PACRG: variants seen among roughly 807,000 people sequenced by gnomAD.
PACRG encodes parkin coregulated.
A neutral mutation model predicts 29.7 loss-of-function variants in PACRG; 29 were observed. That is an observed-to-expected ratio of 0.98 (90% CI 0.73 to 1.33). The LOEUF (loss-of-function observed/expected upper bound fraction) is 1.33. Ranked by LOEUF, PACRG falls within the 40% of genes most tolerant of loss-of-function variation. PACRG has a pLI of 0.00. For missense variants in PACRG, 279 were observed against 316.2 expected, an observed-to-expected ratio of 0.88 and a Z score of 0.89; for synonymous variants, 116 against 118.7, an observed-to-expected ratio of 0.98 and a Z score of 0.15.
At chr6:162,904,744 C>T (rs544216027) in intron 2 of PACRG, among the ~76,000 whole-genome samples, 1 of 152,172 alleles carries the variant, frequency 6.6e-6, no homozygotes, top group Non-Finnish European at 1.5e-5. Context: ...CAAGAGAAAC[C>T]CAGTGCCTGA....
chr6:163,079,692 A>C (rs1181989642), intron 3 of PACRG, among the ~76,000 whole-genome samples: 1 of 152,062 alleles, frequency 6.6e-6, no homozygotes, highest in African/African-American at 2.4e-5. Flanking sequence ...TGTCAGGCTT[A>C]GCAGTGTGTA....
chr6:162,822,372 T>C (rs1259860572), intron 2 of PACRG, among the ~76,000 whole-genome samples: 1 of 152,208 alleles, frequency 6.6e-6, no homozygotes, highest in Admixed American at 6.5e-5. Flanking sequence ...TGTGAGCATG[T>C]CATTACCATG....
At chr6:163,122,237 T>C (rs988185908) in intron 4 of PACRG, among the ~76,000 whole-genome samples, 1 of 148,726 alleles carries the variant, frequency 6.7e-6, no homozygotes, top group Non-Finnish European at 1.5e-5. Context: ...ACTTGATAGA[T>C]TTCTGAGTTC....
chr6:163,153,004 A>T (rs1290596198), intron 4 of PACRG, among the ~76,000 whole-genome samples: 1 of 152,158 alleles, frequency 6.6e-6, no homozygotes, highest in Non-Finnish European at 1.5e-5. Flanking sequence ...TGAACTAATT[A>T]TGCACTCTTG....
chr6:163,064,645 T>C lies in PACRG; in HGVS notation c.463+2324T>C, dbSNP rs542519574. ...CAGTTCCAGCACAGTGTGAAAAATA[T>C]TATGTGCATAAAGAAAATCTTTGAG... On this transcript the variant is annotated intron_variant, in intron 3 of 4. Coordinates refer to ENST00000366888, the MANE Select transcript of PACRG (RefSeq NM_001080379.2). Among the ~76,000 whole-genome samples, 3 of 152,292 alleles carry C rather than the reference T, an allele frequency of 2.0e-5. No homozygotes were observed. The South Asian group carries it at 6.2e-4, about 32-fold the overall frequency.
At position 163,030,037 on chromosome 6, in the gene PACRG, G is replaced by A. The variant is rs192366666; in HGVS notation, c.292-32113G>A. On this transcript the variant is annotated intron_variant, in intron 2 of 4. Coordinates refer to ENST00000366888, the MANE Select transcript of PACRG (RefSeq NM_001080379.2). Reference sequence around the variant, plus strand: ...ACAATGAGGAGGAAAATTACTTCCAGTAACATCAATGAAATAAACCTTTTT... The same window carrying A: ...ACAATGAGGAGGAAAATTACTTCCAATAACATCAATGAAATAAACCTTTTT... Among the ~76,000 whole-genome samples, 490 of 152,330 alleles carry A rather than the reference G, an allele frequency of 3.2e-3. 2 individuals are homozygous for A. Among genetic ancestry groups the A allele is most frequent in the Middle Eastern group, 0.01 (3 of 294 alleles).
intron 4 of PACRG, among the ~76,000 whole-genome samples, chr6:163,155,084 T>C (rs1778257366): frequency 6.6e-6 from 1 of 152,202 alleles, no homozygotes; most frequent in Non-Finnish European, 1.5e-5. Context: ...ACTTTCCACT[T>C]TCTCCCCATA....
intron 2 of PACRG, among the ~76,000 whole-genome samples, chr6:163,036,161 A>C (rs1373032795): frequency 1.3e-5 from 2 of 152,210 alleles, no homozygotes; most frequent in African/African-American, 4.8e-5. Context: ...GCAAGACTGA[A>C]GGTTTAACCA....
At chr6:162,735,101 A>G (rs563763507) in intron 1 of PACRG, among the ~76,000 whole-genome samples, 82 of 152,154 alleles carry the variant, frequency 5.4e-4, no homozygotes, top group Non-Finnish European at 1.0e-3. Flanking sequence ...ATCCCTGTCT[A>G]GTATTTTCTT....
chr6:163,192,674 A>G (rs1231111767), intron 4 of PACRG, among the ~76,000 whole-genome samples: 1 of 152,232 alleles, frequency 6.6e-6, no homozygotes, highest in African/African-American at 2.4e-5. Context: ...CATAGCGTAC[A>G]AAGCTAGAGT....
At chr6:163,117,921 T>C (rs1236995439) in intron 4 of PACRG, among the ~76,000 whole-genome samples, 1 of 152,136 alleles carries the variant, frequency 6.6e-6, no homozygotes, top group Non-Finnish European at 1.5e-5. Context: ...AGGCAGAGAA[T>C]TGACAACATG....
At chr6:162,801,899 G>A (rs574651614) in intron 1 of PACRG, among the ~76,000 whole-genome samples, 40 of 152,046 alleles carry the variant, frequency 2.6e-4, no homozygotes, top group Non-Finnish European at 4.6e-4. Context: ...ACAGGGAATA[G>A]CAAACATAAT....
In PACRG at chr6:163,192,526, C is replaced by T. The variant is rs553129916; in HGVS notation, c.613+103118C>T. On this transcript the variant is annotated intron_variant, in intron 4 of 4. Transcript: ENST00000366888. ...TTTGTCAAACATTTAATGATTTTTT[C>T]CCCCAGACAAATTTGTAGTTTGTTA... 7.9e-5 allele frequency among the ~76,000 whole-genome samples: 12 copies of T among 152,214 alleles called. No individual in the cohort carries two copies. In the East Asian group the frequency reaches 2.1e-3, roughly 27 times the overall value.
chr6:163,290,734 T>C (rs1220981243), intron 4 of PACRG, among the ~76,000 whole-genome samples: 1 of 152,236 alleles, frequency 6.6e-6, no homozygotes, highest in African/African-American at 2.4e-5. Flanking sequence ...GTTAGCACTG[T>C]CGCTATTACT....
At chr6:163,091,747 C>T (rs977454907) in intron 4 of PACRG, among the ~76,000 whole-genome samples, 4 of 152,090 alleles carry the variant, frequency 2.6e-5, no homozygotes, top group African/African-American at 7.2e-5. Context: ...AAAAGCTTAT[C>T]GCAGGATTTT....
At chr6:163,270,431 C>T (rs1003069337) in intron 4 of PACRG, among the ~76,000 whole-genome samples, 2 of 151,992 alleles carry the variant, frequency 1.3e-5, no homozygotes, top group South Asian at 2.1e-4. Flanking sequence ...AGTGCAGTGG[C>T]GCAATCATAG....
chr6:162,956,764 C>T (rs1301212143), intron 2 of PACRG, among the ~76,000 whole-genome samples: 2 of 152,134 alleles, frequency 1.3e-5, no homozygotes, highest in Admixed American at 1.3e-4. Context: ...ATCAGTCATA[C>T]TAGGTTAGGA....
At chr6:163,284,200 C>G (rs1784314117) in intron 4 of PACRG, among the ~76,000 whole-genome samples, 1 of 152,224 alleles carries the variant, frequency 6.6e-6, no homozygotes, top group East Asian at 1.9e-4. Context: ...AATTATAAAA[C>G]TGTAGGTTTT....
chr6:163,097,097 C>T (rs956711267), intron 4 of PACRG, among the ~76,000 whole-genome samples: 1 of 152,206 alleles, frequency 6.6e-6, no homozygotes, highest in Non-Finnish European at 1.5e-5. Context: ...ACGCATAGGG[C>T]TGCATCAGCA....
Sources: gnomAD v4.1 joint callset for allele counts (sites outside exome capture counted in the v4.1 genomes callset) on GRCh38, gnomAD v4.1.1 for gene constraint, MANE v1.5 for transcripts, NCBI Gene and HGNC (gene_info 2026-07-23, HGNC 2026-07-21) for gene names.